The following PHF14 variants were observed in gnomAD, a reference collection of about 807,000 sequenced individuals.
PHF14 encodes the protein PHD finger protein 14.
A neutral mutation model predicts 117.9 loss-of-function variants in PHF14; 55 were observed. That is an observed-to-expected ratio of 0.47 (90% CI 0.38 to 0.58). The LOEUF is 0.58. Among genes scored for constraint, PHF14 ranks in the 20% least tolerant of loss-of-function variants. The pLI is 0.00. For synonymous variants in PHF14, 409 were observed against 368.6 expected (o/e 1.11, Z -1.26); for missense variants, 978 against 1,122.2 (o/e 0.87, Z 1.84).
rs57246905 is a variant in PHF14 at position 11,059,095 on chromosome 7, T to G, written c.2482-2696T>G. Among the ~76,000 whole-genome samples the G allele has an allele frequency of 4.3e-3, 661 of 152,236 alleles. 2 individuals carry two copies. The highest frequency in any genetic ancestry group is 0.015 in the African/African-American group (612 of 41,546). On this transcript the variant is annotated intron_variant, in intron 14 of 17. Transcript: ENST00000634607. ...ATATATGAGAAGAAATTTATAAATA[T>G]AGAGAGAAATGGAGCTATACCATTG...
chr7:11,083,255 C>A (rs985749654), intron 16 of PHF14, among the ~76,000 whole-genome samples: 1 of 152,072 alleles, frequency 6.6e-6, no homozygotes, highest in African/African-American at 2.4e-5. Flanking sequence ...GCTGAGAAAT[C>A]CTTTGTCTGA....
intron 4 of PHF14, among the ~76,000 whole-genome samples, chr7:11,011,437 G>A (rs1034476395): frequency 6.6e-6 from 1 of 152,116 alleles, no homozygotes; most frequent in African/African-American, 2.4e-5. Flanking sequence ...TTTAGGAGAC[G>A]ATCATGTTAA....
intron 7 of PHF14, among the ~76,000 whole-genome samples, chr7:11,033,775 A>G (rs137906843): frequency 6.6e-6 from 1 of 152,280 alleles, no homozygotes; most frequent in Non-Finnish European, 1.5e-5. Flanking sequence ...ATAATTATCT[A>G]GATCTGGGTA....
chr7:11,025,265 A>G (rs1783867760), intron 6 of PHF14, among the ~76,000 whole-genome samples: 1 of 152,210 alleles, frequency 6.6e-6, no homozygotes. Context: ...TGGTTTCTCG[A>G]GTTGGAATCT....
At chr7:11,056,489 A>G (rs185244152) in intron 14 of PHF14, among the ~76,000 whole-genome samples, 28 of 152,136 alleles carry the variant, frequency 1.8e-4, no homozygotes, top group Admixed American at 3.9e-4. Context: ...AACATAAGCT[A>G]AATTAGATAA....
chr7:10,985,646 T>TTG (rs1782196354), intron 3 of PHF14, among the ~76,000 whole-genome samples: 2 of 122,452 alleles, frequency 1.6e-5, no homozygotes, highest in African/African-American at 6.8e-5. Context: ...CTGTTTTTTT[T>TTG]TTTTTTTTTT....
At chr7:11,064,158 TAC>T (rs1203111506) in intron 16 of PHF14, among the ~76,000 whole-genome samples, 1 of 151,916 alleles carries the variant, frequency 6.6e-6, no homozygotes, top group East Asian at 1.9e-4. Flanking sequence ...TTAAAAAAAA[TAC>T]ATTGTTTATG....
chr7:11,032,354 C>T (rs751937016), intron 7 of PHF14, among the ~76,000 whole-genome samples: 1 of 151,888 alleles, frequency 6.6e-6, no homozygotes, highest in Non-Finnish European at 1.5e-5. Context: ...ATTAAGATAC[C>T]AGTAAAGCGT....
chr7:11,069,005 C>G (rs1562449475), intron 16 of PHF14, among the ~76,000 whole-genome samples: 1 of 152,010 alleles, frequency 6.6e-6, no homozygotes, highest in Non-Finnish European at 1.5e-5. Flanking sequence ...CTTTAAAGTT[C>G]TCTGTTTTCT....
chr7:11,153,939 C>CTGTGTGTGTGTGTGTGTGTGTGTGTG (rs975709011), intron 17 of PHF14, among the ~76,000 whole-genome samples: 45 of 138,524 alleles, frequency 3.2e-4, no homozygotes, highest in African/African-American at 1.2e-3. Flanking sequence ...TGGTCCCTGT[C>CTGTGTGTGTGTGTGTGTGTGTGTGTG]TGTGTGTGCG....
chr7:10,980,969 A>G (rs931702587), intron 2 of PHF14, among the ~76,000 whole-genome samples: 1 of 152,190 alleles, frequency 6.6e-6, no homozygotes, highest in Non-Finnish European at 1.5e-5. Context: ...GTCCCAAGTA[A>G]GCTATGGATA....
intron 4 of PHF14, among the ~76,000 whole-genome samples, chr7:11,007,120 G>C (rs1265636212): frequency 2.0e-5 from 3 of 151,930 alleles, no homozygotes; most frequent in Non-Finnish European, 2.9e-5. Context: ...TTGAACCCAG[G>C]AGGCGGAGAT....
intron 16 of PHF14, chr7:11,104,841 G>T: frequency 1.1e-6 from 1 of 872,444 alleles, no homozygotes; most frequent in Non-Finnish European, 1.4e-6. Flanking sequence ...CTACTGGCCT[G>T]GAACACCACA....
At chr7:11,094,462 T>G (rs574406219) in intron 16 of PHF14, among the ~76,000 whole-genome samples, 9 of 152,296 alleles carry the variant, frequency 5.9e-5, no homozygotes, top group Admixed American at 5.2e-4. Context: ...TGACTCCTCC[T>G]ACTTCTCTCT....
At chr7:11,101,578 T>A (rs1787094528) in intron 16 of PHF14, among the ~76,000 whole-genome samples, 1 of 151,902 alleles carries the variant, frequency 6.6e-6, no homozygotes, top group Non-Finnish European at 1.5e-5. Context: ...TCACATTGTA[T>A]TCTTTTGTGG....
intron 6 of PHF14, among the ~76,000 whole-genome samples, chr7:11,027,586 T>G (rs1783969320): frequency 6.6e-6 from 1 of 152,106 alleles, no homozygotes; most frequent in Admixed American, 6.5e-5. Context: ...TTGCGGTAAT[T>G]TCAACAGTTC....
intron 16 of PHF14, chr7:11,102,948 T>C: frequency 9.6e-7 from 1 of 1,037,986 alleles, no homozygotes; most frequent in Admixed American, 5.0e-5. Context: ...ATAAATACAA[T>C]ATGCTACTCC....
At chr7:11,000,134 A>C (rs564578193) in intron 4 of PHF14, among the ~76,000 whole-genome samples, 1 of 152,144 alleles carries the variant, frequency 6.6e-6, no homozygotes, top group East Asian at 1.9e-4. Context: ...ATATGTTCCA[A>C]GTAAAGATGC....
intron 17 of PHF14, among the ~76,000 whole-genome samples, chr7:11,163,939 T>A (rs1325525987): frequency 6.6e-6 from 1 of 152,182 alleles, no homozygotes; most frequent in African/African-American, 2.4e-5. Flanking sequence ...AGGTTGAGTG[T>A]CTACATGTTT....
Sources: gnomAD v4.1 joint callset for allele counts (sites outside exome capture counted in the v4.1 genomes callset) on GRCh38, gnomAD v4.1.1 for gene constraint, MANE v1.5 for transcripts, NCBI Gene and HGNC (gene_info 2026-07-23, HGNC 2026-07-21) for gene names.